Variants in TDRD9 observed in about 807,000 individuals in gnomAD.
TDRD9 encodes ATP-dependent RNA helicase TDRD9.
A neutral mutation model predicts 172.6 loss-of-function variants in TDRD9; 124 were observed. That is an observed-to-expected ratio of 0.72 (90% CI 0.62 to 0.83). The LOEUF (loss-of-function observed/expected upper bound fraction) is 0.83. TDRD9 is among the 40% of genes least tolerant of loss of function. TDRD9 has a pLI of 0.00. For synonymous variants in TDRD9, 619 were observed against 617.1 expected, an observed-to-expected ratio of 1.00 and a Z score of -0.05; for missense variants, 1,479 against 1,714.1, an observed-to-expected ratio of 0.86 and a Z score of 2.42.
At chr14:104,031,987 G>C (rs1283207495) in intron 29 of TDRD9, 30 bp from the exon 30 acceptor site, 4 of 1,473,254 alleles carry the variant, frequency 2.7e-6, no homozygotes, top group Non-Finnish European at 3.7e-6. Flanking sequence ...CTTGCTTATT[G>C]GTAACACTTC....
chr14:104,052,498 A>G lies in TDRD9; in HGVS notation c.*416A>G, dbSNP rs1054869649. 1 of 152,794 alleles carries G rather than the reference A, an allele frequency of 6.5e-6. No homozygotes were observed. Among genetic ancestry groups the G allele is most frequent in the African/African-American group, 2.4e-5 (1 of 41,446 alleles). The allele number at this position is 152,794 out of a possible 1,614,324, so 9.5% of individuals were successfully genotyped here. A position where few individuals can be genotyped will look rare whatever the true frequency, so the allele number is the denominator to read the frequency against. ...AGTAGTATAGGAAAAAACTTAAAAA[A>G]ACAAAAAAACCATGTAGTATTTTCT... On this transcript the variant is annotated 3_prime_UTR_variant, in exon 36 of 36. Transcript: ENST00000409874.
In TDRD9 at chr14:104,008,453, A is replaced by G. The variant is rs1480204977; in HGVS notation, c.2093A>G (p.Lys698Arg). 1 of 1,563,020 alleles carries G rather than the reference A, an allele frequency of 6.4e-7. No individual in the cohort carries two copies. The highest frequency in any genetic ancestry group is 8.8e-7 in the Non-Finnish European group (1 of 1,136,038). ...GGACGGTTAAATTACATTCAAATCAAGAGAATTAGAGAGGTAAGTTAAGTT... is the reference window on the plus strand; with the variant it reads ...GGACGGTTAAATTACATTCAAATCAGGAGAATTAGAGAGGTAAGTTAAGTT... ...NWGRLNYIQI[K>R]RIREVAELYE... Residue 698 changes from lysine (K) to arginine (R), a missense_variant, in exon 20 of 36, where the codon AAG (lysine) becomes AGG (arginine). Transcript: ENST00000409874.
chr14:104,020,267 G>A (rs1427690493), intron 23 of TDRD9, among the ~76,000 whole-genome samples: 1 of 152,166 alleles, frequency 6.6e-6, no homozygotes, highest in Non-Finnish European at 1.5e-5. Context: ...AGTAGAAGCC[G>A]GCCTGGAGTC....
At chr14:103,992,884 C>G (rs2033920321) in intron 9 of TDRD9, among the ~76,000 whole-genome samples, 1 of 131,986 alleles carries the variant, frequency 7.6e-6, no homozygotes, top group African/African-American at 2.9e-5. Context: ...GAGATCACGC[C>G]ACTGCACTCC....
intron 20 of TDRD9, 38 bp downstream of exon 20, chr14:104,008,504 G>A: frequency 1.6e-6 from 2 of 1,267,430 alleles, no homozygotes; most frequent in Non-Finnish European, 2.3e-6. Context: ...TGCAAATAAA[G>A]TTGACTTATG....
At chr14:103,956,393 G>A (rs2152133884) in intron 2 of TDRD9, among the ~76,000 whole-genome samples, 1 of 151,638 alleles carries the variant, frequency 6.6e-6, no homozygotes, top group East Asian at 1.9e-4. Flanking sequence ...AGCCAAGATC[G>A]TGCCACTGCA....
chr14:104,014,541 A>G (rs2034724057), intron 20 of TDRD9, among the ~76,000 whole-genome samples, 184 bp from the exon 21 acceptor site: 1 of 152,134 alleles, frequency 6.6e-6, no homozygotes, highest in Non-Finnish European at 1.5e-5. Context: ...TTGGCCTCCC[A>G]AAGTGCTGGG....
At chr14:103,965,071 G>T (rs766765439) in intron 3 of TDRD9, among the ~76,000 whole-genome samples, 97 of 152,128 alleles carry the variant, frequency 6.4e-4, no homozygotes, top group Non-Finnish European at 2.6e-4. Flanking sequence ...AATTAGCTGG[G>T]TGTGGTGGTA....
rs756144659 is a variant in TDRD9 at position 104,026,804 on chromosome 14, G to T, written c.3147G>T (p.Lys1049Asn). The change falls in exon 28 of 36, where the codon AAG becomes AAT. Residue 1049 changes from lysine (K) to asparagine (N), a missense_variant. Lys to Asn is a moderately conservative substitution (Grantham distance 94, BLOSUM62 0). Transcript: ENST00000409874. ...TGAGCGGCTGCACCCTCCTTGTGAA[G>T]GTCTTCTCTGTGGTGCACAGCGTCC... ...SLVSGCTLLV[K>N]VFSVVHSVLH... The T allele has an allele frequency of 1.9e-6, 3 of 1,613,920 alleles. No individual in the cohort carries two copies. In the African/African-American group the frequency reaches 4.0e-5, roughly 22 times the overall value.
intron 1 of TDRD9, among the ~76,000 whole-genome samples, chr14:103,937,857 CT>C (rs11319552): frequency 0.015 from 2,263 of 149,890 alleles, 73 homozygotes; most frequent in African/African-American, 0.053. Flanking sequence ...TGTTGATTTT[CT>C]TTTTTTTTTA....
At chr14:103,956,079 TAAAAAAAAAAAAAA>T (rs60712068) in intron 2 of TDRD9, among the ~76,000 whole-genome samples, 6 of 25,180 alleles carry the variant, frequency 2.4e-4, no homozygotes, top group Admixed American at 7.6e-4. Flanking sequence ...ACCCTCTCTT[TAAAAAAAAAAAAAA>T]AAAAAAAAAA....
At chr14:103,950,379 C>T (rs781017349) in intron 1 of TDRD9, among the ~76,000 whole-genome samples, 17 of 152,162 alleles carry the variant, frequency 1.1e-4, no homozygotes, top group Non-Finnish European at 1.5e-4. Context: ...CATGAGCCAC[C>T]GCATACGGCC....
At chr14:103,987,257 A>G (rs1393120754) in intron 8 of TDRD9, among the ~76,000 whole-genome samples, 4 of 152,110 alleles carry the variant, frequency 2.6e-5, no homozygotes, top group Non-Finnish European at 5.9e-5. Context: ...ATTATACAGT[A>G]TGTATCCTTT....
intron 1 of TDRD9, among the ~76,000 whole-genome samples, chr14:103,948,627 G>A (rs2031698291): frequency 6.6e-6 from 1 of 152,104 alleles, no homozygotes; most frequent in Non-Finnish European, 1.5e-5. Context: ...GTATTACTCA[G>A]CCTTGAAAAG....
chr14:104,037,395 C>CT (rs1438153170), intron 32 of TDRD9, among the ~76,000 whole-genome samples: 1 of 152,188 alleles, frequency 6.6e-6, no homozygotes, highest in African/African-American at 2.4e-5. Flanking sequence ...CCTGGCCCCC[C>CT]TTGTTAAACG....
At chr14:103,969,477 A>G (rs756147259) in intron 5 of TDRD9, among the ~76,000 whole-genome samples, 2 of 152,232 alleles carry the variant, frequency 1.3e-5, no homozygotes, top group African/African-American at 2.4e-5. Flanking sequence ...GTCAAGTGAC[A>G]GCATGAGATT....
At position 103,969,168 on chromosome 14, in the gene TDRD9, CT is replaced by C. The variant is rs147613591; in HGVS notation, c.766-1358del. ...TTAAGCAAATCATTCATTCAATAAA[CT>C]TTTTTTTTTTTTTTGAGTACTGCTA... On this transcript the variant is annotated intron_variant, in intron 5 of 35. Coordinates refer to ENST00000409874, the MANE Select transcript of TDRD9 (RefSeq NM_153046.3). Among the ~76,000 whole-genome samples, 198 of 137,578 alleles carry C rather than the reference CT, an allele frequency of 1.4e-3. 1 individual carries two copies. Among genetic ancestry groups the C allele is most frequent in the South Asian group, 5.5e-3 (24 of 4,346 alleles). 90.3% of individuals were successfully genotyped at this position (137,578 alleles called of 152,430 possible).
intron 34 of TDRD9, among the ~76,000 whole-genome samples, chr14:104,046,676 T>C (rs898995553): frequency 1.3e-5 from 2 of 152,114 alleles, no homozygotes; most frequent in African/African-American, 2.4e-5. Flanking sequence ...GACAGAGTCT[T>C]GCTCTGTTGC....
intron 15 of TDRD9, among the ~76,000 whole-genome samples, chr14:104,005,717 C>T (rs1331574966): frequency 6.6e-6 from 1 of 152,204 alleles, no homozygotes; most frequent in Non-Finnish European, 1.5e-5. Context: ...GGCCTTGGTA[C>T]AAGCTGTATC....
Sources: gnomAD v4.1 joint callset for allele counts (sites outside exome capture counted in the v4.1 genomes callset) on GRCh38, gnomAD v4.1.1 for gene constraint, MANE v1.5 for transcripts, NCBI Gene and HGNC (gene_info 2026-07-23, HGNC 2026-07-21) for gene names.